DPY19L2: variants seen among roughly 807,000 people sequenced by gnomAD.
The protein encoded by DPY19L2 is probable C-mannosyltransferase DPY19L2.
A neutral mutation model predicts 97.9 loss-of-function variants in DPY19L2; 34 were observed. That is an observed-to-expected ratio of 0.35 (90% CI 0.26 to 0.46). The LOEUF (loss-of-function observed/expected upper bound fraction) is 0.46, where lower values mean the gene tolerates loss of function less well. DPY19L2 is among the 20% of genes least tolerant of loss of function. DPY19L2 has a pLI of 1.00. For missense variants in DPY19L2, 623 were observed against 911.4 expected (o/e 0.68, Z 4.07); for synonymous variants, 230 against 307.9 (o/e 0.75, Z 2.65).
At chr12:63,646,367 C>A (rs1348066992) in intron 5 of DPY19L2, among the ~76,000 whole-genome samples, 2 of 152,080 alleles carry the variant, frequency 1.3e-5, no homozygotes, top group African/African-American at 4.8e-5. Flanking sequence ...TTTCTCCAAT[C>A]CTTTACATTG....
At chr12:63,644,610 G>A (rs1893147956) in intron 5 of DPY19L2, 114 bp from the exon 6 acceptor site, 17 of 1,426,324 alleles carry the variant, frequency 1.2e-5, no homozygotes, top group Non-Finnish European at 1.5e-5. Context: ...GAAAGCATTT[G>A]CTTTCCAGAT....
intron 16 of DPY19L2, among the ~76,000 whole-genome samples, chr12:63,591,348 A>G (rs2137456500): frequency 6.6e-6 from 1 of 152,234 alleles, no homozygotes; most frequent in African/African-American, 2.4e-5. Flanking sequence ...AATAAAATCA[A>G]ATATTCTATT....
intron 16 of DPY19L2, among the ~76,000 whole-genome samples, 172 bp downstream of exon 16, chr12:63,593,915 T>C (rs775966600): frequency 7.2e-5 from 11 of 152,104 alleles, no homozygotes; most frequent in Non-Finnish European, 1.5e-4. Flanking sequence ...CAAATACATA[T>C]AAGAAATCTG....
chr12:63,579,759 C>T (rs542713491), intron 19 of DPY19L2, among the ~76,000 whole-genome samples: 23 of 152,118 alleles, frequency 1.5e-4, no homozygotes, highest in African/African-American at 1.9e-4. Context: ...GGCAGTTTAA[C>T]GAGGCACTGT....
At chr12:63,598,014 T>A in intron 13 of DPY19L2, 104 bp from the exon 14 acceptor site, 1 of 859,900 alleles carries the variant, frequency 1.2e-6, no homozygotes, top group South Asian at 3.0e-5. Context: ...ATAGAGCAGA[T>A]AAATCCAATA....
chr12:63,629,331 G>A (rs1256216714), intron 6 of DPY19L2, among the ~76,000 whole-genome samples: 11 of 152,156 alleles, frequency 7.2e-5, no homozygotes, highest in Admixed American at 2.0e-4. Flanking sequence ...AAAATTAGAC[G>A]AATGGCTAAC....
chr12:63,576,818 T>G (rs1879928377), intron 19 of DPY19L2, among the ~76,000 whole-genome samples: 2 of 152,032 alleles, frequency 1.3e-5, no homozygotes, highest in African/African-American at 4.8e-5. Flanking sequence ...TATTCCATGT[T>G]CAAGCATTGG....
chr12:63,598,008 A>G (rs1295164359), intron 13 of DPY19L2, 98 bp from the exon 14 acceptor site: 6 of 954,020 alleles, frequency 6.3e-6, no homozygotes, highest in Non-Finnish European at 8.9e-6. Context: ...AAGTTTATAG[A>G]GCAGATAAAT....
At chr12:63,667,620 CCATATAGTAATCCT>C (rs1189185789) in intron 1 of DPY19L2, among the ~76,000 whole-genome samples, 2 of 152,254 alleles carry the variant, frequency 1.3e-5, no homozygotes, top group Non-Finnish European at 2.9e-5. Flanking sequence ...TAACATTTCT[CCATATAGTAATCCT>C]CACTTTTCTA....
intron 16 of DPY19L2, among the ~76,000 whole-genome samples, chr12:63,592,342 G>A (rs1411796344): frequency 1.3e-5 from 2 of 150,592 alleles, no homozygotes; most frequent in African/African-American, 2.4e-5. Context: ...TCAATCCTAA[G>A]CCAAAAGAAC....
intron 6 of DPY19L2, among the ~76,000 whole-genome samples, chr12:63,633,763 A>T (rs1169672799): frequency 1.3e-5 from 2 of 152,146 alleles, no homozygotes; most frequent in Non-Finnish European, 2.9e-5. Flanking sequence ...ACACATGCAC[A>T]CGTATGTTTA....
chr12:63,605,194 GGGTGAGA>G (rs1885829451), intron 12 of DPY19L2, among the ~76,000 whole-genome samples: 1 of 152,170 alleles, frequency 6.6e-6, no homozygotes, highest in Non-Finnish European at 1.5e-5. Context: ...ATGAGGTGGA[GGGTGAGA>G]GACACCAGGA....
intron 9 of DPY19L2, among the ~76,000 whole-genome samples, chr12:63,619,483 G>A (rs1382703553): frequency 1.3e-5 from 2 of 151,060 alleles, no homozygotes; most frequent in Non-Finnish European, 2.9e-5. Flanking sequence ...TCCAGAGAAT[G>A]ACTAGAAAAA....
At chr12:63,561,043 T>G (rs2137231308) in intron 21 of DPY19L2, among the ~76,000 whole-genome samples, 1 of 152,268 alleles carries the variant, frequency 6.6e-6, no homozygotes, top group Non-Finnish European at 1.5e-5. Context: ...GAATTCCTGA[T>G]GAATTTCACA....
At chr12:63,615,282 T>A (rs1482643145) in intron 11 of DPY19L2, among the ~76,000 whole-genome samples, 1 of 152,100 alleles carries the variant, frequency 6.6e-6, no homozygotes, top group Non-Finnish European at 1.5e-5. Context: ...AAGAGGTAAA[T>A]CAACATTTAC....
In DPY19L2 at chr12:63,600,174, A is replaced by G. The variant is rs150871134; in HGVS notation, c.1359+132T>C. ...CAAGACTTTATTATTGACTCTGCCA[A>G]TAACTCGTCTAGAGACCTTAGAGAA... On this transcript the variant is annotated intron_variant, in intron 13 of 21. Coordinates refer to ENST00000324472, the MANE Select transcript of DPY19L2 (RefSeq NM_173812.5). 3,727 of 644,180 alleles carry G rather than the reference A, an allele frequency of 5.8e-3. 99 individuals are homozygous for G. Among genetic ancestry groups the G allele is most frequent in the African/African-American group, 0.054 (2,946 of 54,962 alleles). 39.9% of individuals were successfully genotyped at this position (644,180 alleles called of 1,614,324 possible).
chr12:63,640,160 T>C (rs912252077), intron 6 of DPY19L2, among the ~76,000 whole-genome samples: 6 of 151,980 alleles, frequency 3.9e-5, no homozygotes, highest in Admixed American at 2.0e-4. Flanking sequence ...ATGAGAACAC[T>C]TGGACGCAGT....
intron 16 of DPY19L2, among the ~76,000 whole-genome samples, chr12:63,586,795 T>C (rs535682620): frequency 6.6e-6 from 1 of 152,224 alleles, no homozygotes; most frequent in South Asian, 2.1e-4. Flanking sequence ...AATATCAAGA[T>C]GAATACATTT....
intron 19 of DPY19L2, among the ~76,000 whole-genome samples, chr12:63,574,493 T>G (rs1158910400): frequency 6.6e-6 from 1 of 151,664 alleles, no homozygotes; most frequent in Non-Finnish European, 1.5e-5. Context: ...TGGGCTGAAC[T>G]CTCCAATCAA....
Sources: allele counts gnomAD v4.1 joint callset (sites outside exome capture counted in the v4.1 genomes callset), GRCh38; gene constraint gnomAD v4.1.1; transcripts MANE v1.5; gene names NCBI Gene and HGNC (gene_info 2026-07-23, HGNC 2026-07-21).